CHD9: variants seen among roughly 807,000 people sequenced by gnomAD.
CHD9 encodes the protein chromodomain helicase DNA binding protein 9.
A neutral mutation model predicts 316.1 loss-of-function variants in CHD9; 77 were observed. That is an observed-to-expected ratio of 0.24 (90% confidence interval 0.20 to 0.29). The LOEUF (loss-of-function observed/expected upper bound fraction) is 0.29, where lower values mean the gene tolerates loss of function less well. CHD9 is among the 10% of genes least tolerant of loss of function. The pLI is 1.00. For synonymous variants in CHD9, 1,129 were observed against 1,158.3 expected, an observed-to-expected ratio of 0.97 and a Z score of 0.51; for missense variants, 2,763 against 3,438.1, an observed-to-expected ratio of 0.80 and a Z score of 4.91.
chr16:53,295,422 C>T (rs1258286236), intron 29 of CHD9, among the ~76,000 whole-genome samples: 1 of 152,154 alleles, frequency 6.6e-6, no homozygotes, highest in African/African-American at 2.4e-5. Flanking sequence ...CCACTGCACT[C>T]GGCCTCTTCT....
intron 12 of CHD9, among the ~76,000 whole-genome samples, chr16:53,239,501 A>G (rs773371554): frequency 1.3e-5 from 2 of 152,182 alleles, no homozygotes; most frequent in Admixed American, 6.5e-5. Flanking sequence ...TTTTATTAAA[A>G]TATTTCAATA....
intron 1 of CHD9, among the ~76,000 whole-genome samples, chr16:53,085,435 TG>T (rs1362055169): frequency 2.6e-5 from 4 of 152,076 alleles, no homozygotes; most frequent in Admixed American, 6.6e-5. Flanking sequence ...ACATCTGCCT[TG>T]GGGAGGACCT....
At chr16:53,104,502 C>T (rs1596999415) in intron 1 of CHD9, among the ~76,000 whole-genome samples, 1 of 152,162 alleles carries the variant, frequency 6.6e-6, no homozygotes, top group Non-Finnish European at 1.5e-5. Flanking sequence ...TTCAAACCTA[C>T]AGAAACTGTA....
intron 15 of CHD9, among the ~76,000 whole-genome samples, chr16:53,246,876 C>T (rs1458296147): frequency 6.6e-6 from 1 of 152,132 alleles, no homozygotes; most frequent in African/African-American, 2.4e-5. Flanking sequence ...CCCATAGACA[C>T]ATCCAGATCA....
chr16:53,077,014 G>A (rs2034591846), intron 1 of CHD9, among the ~76,000 whole-genome samples: 1 of 149,144 alleles, frequency 6.7e-6, no homozygotes, highest in Non-Finnish European at 1.5e-5. Context: ...TTGAGATGGA[G>A]TCTCACTCTG....
At position 53,303,763 on chromosome 16, in the gene CHD9, A is replaced by T; in HGVS notation, c.5757A>T (p.Glu1919Asp). 1.2e-6 allele frequency: 2 copies of T among 1,613,540 alleles called. No homozygotes were observed. Among genetic ancestry groups the T allele is most frequent in the Non-Finnish European group, 1.7e-6 (2 of 1,179,634 alleles). ...PNIFIQPITEERASRTLYRIE... is the reference protein window; with the variant it reads ...PNIFIQPITEDRASRTLYRIE... The stretch of plus-strand genomic sequence containing the variant: ...TTTTTATCCAGCCCATCACAGAAGA[A>T]CGTGCTTCTAGGACTTTGTATCGCA... Residue 1919 changes from glutamate (E) to aspartate (D), a missense_variant, in exon 31 of 39, where the codon GAA (glutamate) becomes GAT (aspartate). Glu to Asp is a conservative substitution (Grantham distance 45). This residue lies in a region of CHD9 where 663 missense variants were observed against 751.2 expected (regional missense o/e 0.88). Coordinates refer to ENST00000447540, the MANE Select transcript of CHD9 (RefSeq NM_001308319.2).
At chr16:53,153,189 A>G (rs1029274883) in intron 1 of CHD9, among the ~76,000 whole-genome samples, 6 of 152,222 alleles carry the variant, frequency 3.9e-5, no homozygotes, top group Non-Finnish European at 7.3e-5. Context: ...CAACAAGTAA[A>G]TTGAAGACAA....
chr16:53,163,197 T>C (rs1026241150), intron 2 of CHD9, among the ~76,000 whole-genome samples: 1 of 152,112 alleles, frequency 6.6e-6, no homozygotes. Flanking sequence ...CCATTTCCCA[T>C]ATACATATTT....
chr16:53,160,875 C>T (rs1233146749), intron 2 of CHD9, among the ~76,000 whole-genome samples: 1 of 152,164 alleles, frequency 6.6e-6, no homozygotes, highest in Non-Finnish European at 1.5e-5. Flanking sequence ...CCATTGCATT[C>T]CAGCCTGGGC....
chr16:53,197,639 T>A (rs1205194778), intron 2 of CHD9, among the ~76,000 whole-genome samples: 2 of 151,776 alleles, frequency 1.3e-5, no homozygotes, highest in East Asian at 3.9e-4. Context: ...TTCAACTCAT[T>A]CTGCTACGTG....
At chr16:53,306,097 A>AT (rs1471516699) in intron 31 of CHD9, 140 bp from the exon 32 acceptor site, 6 of 494,938 alleles carry the variant, frequency 1.2e-5, no homozygotes, top group South Asian at 6.8e-5. Context: ...ATTCTAGGTG[A>AT]TTTTTTCTCT....
rs950365074 is a variant in CHD9 at position 53,199,382 on chromosome 16, T to G, written c.1453-10100T>G. ...TTCATTTAGCATATATTAATATATA[T>G]TCATATAGACAAACATGTATATATA... is the stretch of plus-strand genomic sequence containing the variant. On this transcript the variant is annotated intron_variant, in intron 2 of 38. Coordinates refer to ENST00000447540, the MANE Select transcript of CHD9 (RefSeq NM_001308319.2). Among the ~76,000 whole-genome samples, 5 of 152,308 alleles carry G rather than the reference T, an allele frequency of 3.3e-5. No homozygotes were observed. In the East Asian group the frequency reaches 9.6e-4, roughly 29 times the overall value.
In CHD9 at chr16:53,156,411, C is replaced by G. The variant is rs1438589246; in HGVS notation, c.322C>G (p.Gln108Glu). The change falls in exon 2 of 39, where the codon CAA (glutamine) becomes GAA (glutamate). Residue 108 changes from glutamine to glutamate, a missense_variant. By Grantham distance (29) the Gln-to-Glu change is conservative (BLOSUM62 2). Around this residue, in one of 15 missense-constraint regions of CHD9, gnomAD observed 859 missense variants for 890.4 expected, o/e 0.96. Transcript: ENST00000447540. ...SQFNCSPIHP[Q>E]NQPNGLFPDV... ...GTTTAATTGTTCTCCAATCCATCCC[C>G]AAAACCAACCCAATGGTTTGTTTCC... The G allele has an allele frequency of 6.2e-7, 1 of 1,614,012 alleles. No individual in the cohort carries two copies. Among genetic ancestry groups the G allele is most frequent in the East Asian group, 2.2e-5 (1 of 44,884 alleles).
At chr16:53,216,002 G>A (rs372159430) in intron 3 of CHD9, among the ~76,000 whole-genome samples, 1 of 152,060 alleles carries the variant, frequency 6.6e-6, no homozygotes, top group Non-Finnish European at 1.5e-5. Flanking sequence ...CTGAGTATCT[G>A]TTGCTACATT....
chr16:53,285,049 G>A (rs1024998823), intron 24 of CHD9, among the ~76,000 whole-genome samples: 7 of 152,122 alleles, frequency 4.6e-5, no homozygotes, highest in South Asian at 2.1e-4. Flanking sequence ...TTACATACAT[G>A]AGCCACTGTG....
At position 53,156,645 on chromosome 16, in the gene CHD9, C is replaced by G; in HGVS notation, c.556C>G (p.Leu186Val). Reference sequence around the variant, plus strand: ...ACGCTCACAACAAAACAGAAATAATCTCAACCCAGGGCAGAATTCTCTTAG... The same window carrying G: ...ACGCTCACAACAAAACAGAAATAATGTCAACCCAGGGCAGAATTCTCTTAG... ...SLRSQQNRNN[L>V]NPGQNSLSQS... The change falls in exon 2 of 39, where the codon CTC (leucine) becomes GTC (valine). Residue 186 changes from leucine (L) to valine (V), a missense_variant. Around this residue, in one of 15 missense-constraint regions of CHD9, gnomAD observed 859 missense variants for 890.4 expected, o/e 0.96. Transcript: ENST00000447540. The G allele has an allele frequency of 6.2e-7, 1 of 1,613,944 alleles. No individual in the cohort carries two copies. Among genetic ancestry groups the G allele is most frequent in the African/African-American group, 1.3e-5 (1 of 75,046 alleles).
chr16:53,153,943 T>C (rs1219131165), intron 1 of CHD9, among the ~76,000 whole-genome samples: 1 of 152,176 alleles, frequency 6.6e-6, no homozygotes. Flanking sequence ...ATCTGTATGC[T>C]AGCTGGTAAG....
chr16:53,324,766 A>C lies in CHD9; in HGVS notation c.8565A>C (p.Lys2855Asn). 6.2e-7 allele frequency: 1 copy of C among 1,613,452 alleles called. No homozygotes were observed. Among genetic ancestry groups the C allele is most frequent in the Non-Finnish European group, 8.5e-7 (1 of 1,179,668 alleles). Residue 2855 changes from lysine (K) to asparagine (N), a missense_variant, in exon 39 of 39, where the codon AAA becomes AAC. Around this residue, in one of 15 missense-constraint regions of CHD9, gnomAD observed 298 missense variants for 380.2 expected, o/e 0.78. Coordinates refer to ENST00000447540, the MANE Select transcript of CHD9 (RefSeq NM_001308319.2). ...CCAGAATTAAAGATCAGGAAGACAA[A>C]GGAGGAACTGAACCAAGTCCTCTCA... ...EDSRIKDQED[K>N]GGTEPSPLNE... is the part of the protein sequence containing the mutation.
intron 2 of CHD9, among the ~76,000 whole-genome samples, chr16:53,199,493 A>C (rs915042727): frequency 1.3e-5 from 2 of 152,152 alleles, no homozygotes; most frequent in African/African-American, 4.8e-5. Context: ...ATTTTTACAG[A>C]TTTAGATACA....
Sources: allele counts gnomAD v4.1 joint callset (sites outside exome capture counted in the v4.1 genomes callset), GRCh38; gene constraint gnomAD v4.1.1; regional missense constraint gnomAD v4.1.1; transcripts MANE v1.5; gene names NCBI Gene and HGNC (gene_info 2026-07-23, HGNC 2026-07-21).